EIF4E2: variants seen among roughly 807,000 people sequenced by gnomAD.
EIF4E2 encodes eukaryotic translation initiation factor 4E family member 2, also known as eukaryotic translation initiation factor 4E type 2.
In EIF4E2, 13 loss-of-function variants were observed where a neutral mutation model predicts 34.2. That is an observed-to-expected ratio of 0.38 (90% CI 0.25 to 0.60). The LOEUF is 0.60. Ranked by LOEUF, EIF4E2 falls within the 20% of genes least tolerant of loss-of-function variation. EIF4E2 has a pLI of 0.62. For missense variants in EIF4E2, 222 were observed against 315.1 expected (o/e 0.70, Z 2.24); for synonymous variants, 100 against 106.6 (o/e 0.94, Z 0.38).
chr2:232,557,392 G>GTACCAATAA (rs1239600030), intron 2 of EIF4E2: 3 of 154,578 alleles, frequency 1.9e-5, no homozygotes, highest in Non-Finnish European at 4.3e-5. Context: ...ACGTTTAATA[G>GTACCAATAA]TACCAATAAT....
chr2:232,562,082 G>T (rs1692744888), intron 3 of EIF4E2, among the ~76,000 whole-genome samples: 1 of 152,042 alleles, frequency 6.6e-6, no homozygotes, highest in Non-Finnish European at 1.5e-5. Flanking sequence ...GGGCATGGTG[G>T]TGCCCACTTG....
In EIF4E2 at chr2:232,566,152, ACAGT is replaced by A. The variant is rs968710320; in HGVS notation, c.376-672_376-669del. ...ATGTCTGTGTACTTGGTATGTAGTG[ACAGT>A]CAGTACTTTTTTTTGTCGTCGTTGT... On this transcript the variant is annotated intron_variant, in intron 4 of 6. Transcript: ENST00000258416. This position sits in a 1 kb window ranked among gnomAD's most constrained non-coding sequence, Gnocchi z 4.9. 9.3e-5 allele frequency among the ~76,000 whole-genome samples: 14 copies of A among 150,994 alleles called. No homozygotes were observed. The highest frequency in any genetic ancestry group is 3.4e-4 in the African/African-American group (14 of 41,220).
chr2:232,557,812 C>T (rs1039586192), intron 2 of EIF4E2, 72 bp from the exon 3 acceptor site: 2 of 1,551,318 alleles, frequency 1.3e-6, no homozygotes, highest in African/African-American at 2.7e-5. Context: ...AGGATTGACA[C>T]TGCAAAATGT....
intron 6 of EIF4E2, chr2:232,568,701 A>C: frequency 1.0e-6 from 1 of 985,354 alleles, no homozygotes; most frequent in Non-Finnish European, 1.2e-6. Context: ...GTTCTTCGTG[A>C]CTTTTACAGA....
chr2:232,574,275 G>GT (rs1207328029), intron 6 of EIF4E2: 1 of 1,550,452 alleles, frequency 6.4e-7, no homozygotes, highest in African/African-American at 1.4e-5. Flanking sequence ...CCTGGGAGGA[G>GT]TTTCATGGCC....
chr2:232,564,512 G>A (rs772349800), intron 4 of EIF4E2, among the ~76,000 whole-genome samples, 161 bp downstream of exon 4: 6 of 152,164 alleles, frequency 3.9e-5, no homozygotes, highest in Admixed American at 6.5e-5. Context: ...GCGCAGTGGC[G>A]CGATCTCGGC....
At chr2:232,573,081 A>G (rs567833652), downstream of EIF4E2, among the ~76,000 whole-genome samples, 3 of 152,318 alleles carry the variant, frequency 2.0e-5, no homozygotes, top group Admixed American at 6.5e-5. Flanking sequence ...CCATCTTTCC[A>G]GAAAGAGCTC....
intron 3 of EIF4E2, chr2:232,558,810 T>C (rs894551362): frequency 6.6e-6 from 1 of 152,162 alleles, no homozygotes; most frequent in African/African-American, 2.4e-5. Flanking sequence ...AATATCTTTT[T>C]CCTGTGTTCA....
chr2:232,581,169 T>G lies in EIF4E2; in HGVS notation c.*226T>G, dbSNP rs1247686077. On this transcript the variant is annotated 3_prime_UTR_variant, in exon 7 of 7. Coordinates refer to the EIF4E2 transcript ENST00000409098. This position sits in a 1 kb window ranked among gnomAD's most constrained non-coding sequence, Gnocchi z 5.2. ...ACGTGACTTTGTAATAGACAAACAT[T>G]GTTTTTTAATGGGGTTCCATGGGGG... 1.5e-6 allele frequency: 1 copy of G among 668,630 alleles called. No individual in the cohort carries two copies. 41.4% of individuals were successfully genotyped at this position (668,630 alleles called of 1,614,324 possible).
At chr2:232,555,085 C>A (rs1316973335) in intron 1 of EIF4E2, among the ~76,000 whole-genome samples, 1 of 152,142 alleles carries the variant, frequency 6.6e-6, no homozygotes, top group Non-Finnish European at 1.5e-5. Context: ...GTGACTAGCT[C>A]ATTCATTCTA....
At chr2:232,563,073 G>A (rs1656400) in intron 3 of EIF4E2, among the ~76,000 whole-genome samples, 46,417 of 152,036 alleles carry the variant, frequency 0.31, 7,618 homozygotes, top group Admixed American at 0.41. Context: ...TTGTCTACTC[G>A]ATACCCATTG....
At chr2:232,562,028 A>G (rs1359036549) in intron 3 of EIF4E2, among the ~76,000 whole-genome samples, 1 of 151,408 alleles carries the variant, frequency 6.6e-6, no homozygotes, top group Non-Finnish European at 1.5e-5. Context: ...CAGCCTGGCA[A>G]CAGTGTTAGA....
At chr2:232,568,924 A>C (rs761556174) in intron 6 of EIF4E2, 21 bp from the exon 7 acceptor site, 3 of 1,614,118 alleles carry the variant, frequency 1.9e-6, no homozygotes, top group Non-Finnish European at 2.5e-6. Context: ...CCAATGAGCC[A>C]ACCTTTTGCA....
chr2:232,574,302 C>A, intron 6 of EIF4E2: 2 of 1,550,520 alleles, frequency 1.3e-6, no homozygotes, highest in Non-Finnish European at 8.7e-7. Context: ...ACAGCAGCGG[C>A]CGCTGATCGG....
At chr2:232,557,179 A>G (rs1417509415) in intron 2 of EIF4E2, among the ~76,000 whole-genome samples, 1 of 152,256 alleles carries the variant, frequency 6.6e-6, no homozygotes, top group African/African-American at 2.4e-5. Context: ...CAGGAGGCAG[A>G]GGTTGCAGTG....
chr2:232,552,238 G>T (rs1692363777), intron 1 of EIF4E2, among the ~76,000 whole-genome samples: 1 of 152,002 alleles, frequency 6.6e-6, no homozygotes, highest in Non-Finnish European at 1.5e-5. Context: ...TTGAGACAGG[G>T]TCTCGCTGTG....
At position 232,564,736 on chromosome 2, in the gene EIF4E2, C is replaced by T. The variant is rs112535064; in HGVS notation, c.375+385C>T. Among the ~76,000 whole-genome samples the T allele has an allele frequency of 8.3e-3, 1,264 of 152,348 alleles. 18 individuals carry two copies. The highest frequency in any genetic ancestry group is 0.029 in the African/African-American group (1,211 of 41,574). ...AAAATGCTGGGATTACAGGCGTGAG[C>T]CACCGTGCCCAGCTGGTTAAAAGTG... On this transcript the variant is annotated intron_variant, in intron 4 of 6. Transcript: ENST00000258416.
chr2:232,571,508 GA>G (rs1693090287), downstream of EIF4E2, among the ~76,000 whole-genome samples: 1 of 152,196 alleles, frequency 6.6e-6, no homozygotes, highest in Non-Finnish European at 1.5e-5. Flanking sequence ...CTCCTCTTTG[GA>G]TTAGTCCCAC....
In EIF4E2 at chr2:232,568,935, C is replaced by T. The variant is rs368585688; in HGVS notation, c.666-10C>T. ...TCTCCCAATGAGCCAACCTTTTGCACTTCCACTAGAATGCCAGGCAGGCTG... is the reference window on the plus strand; with the variant it reads ...TCTCCCAATGAGCCAACCTTTTGCATTTCCACTAGAATGCCAGGCAGGCTG... On this transcript the variant is annotated splice_polypyrimidine_tract_variant and intron_variant, in intron 6 of 6. Coordinates refer to ENST00000258416, the MANE Select transcript of EIF4E2 (RefSeq NM_004846.4). 1.2e-4 allele frequency: 186 copies of T among 1,614,110 alleles called. No individual in the cohort carries two copies. The highest frequency in any genetic ancestry group is 1.5e-4 in the Non-Finnish European group (176 of 1,180,050).
Sources: gnomAD v4.1 joint callset for allele counts (sites outside exome capture counted in the v4.1 genomes callset) on GRCh38, gnomAD v4.1.1 for gene constraint, Gnocchi (gnomAD v3.1) non-coding constraint, MANE v1.5 for transcripts, NCBI Gene and HGNC (gene_info 2026-07-23, HGNC 2026-07-21) for gene names.